RFX8: variants seen among roughly 807,000 people sequenced by gnomAD.
RFX8 encodes DNA-binding protein RFX8.
Under a neutral mutation model 54.6 loss-of-function variants are expected in RFX8, and 46 were observed. That is an observed-to-expected ratio of 0.84 (90% CI 0.67 to 1.08). The LOEUF (loss-of-function observed/expected upper bound fraction) is 1.08. RFX8 is among the 50% of genes least tolerant of loss of function. The pLI is 0.00. For missense variants in RFX8, 536 were observed against 562.3 expected, an observed-to-expected ratio of 0.95 and a Z score of 0.47; for synonymous variants, 192 against 209.5, an observed-to-expected ratio of 0.92 and a Z score of 0.72.
intron 2 of RFX8, among the ~76,000 whole-genome samples, chr2:101,429,242 C>A (rs1358038879): frequency 2.6e-5 from 4 of 152,288 alleles, no homozygotes; most frequent in Admixed American, 1.3e-4. Context: ...TTAAAGGTTT[C>A]TTTCCTTCAG....
intron 2 of RFX8, among the ~76,000 whole-genome samples, chr2:101,439,102 C>G (rs2148955264): frequency 6.6e-6 from 1 of 152,286 alleles, no homozygotes; most frequent in South Asian, 2.1e-4. Flanking sequence ...TGTGAGCCAC[C>G]ACGCCCGGCC....
At chr2:101,415,205 C>T (rs1287813458) in intron 6 of RFX8, among the ~76,000 whole-genome samples, 1 of 152,128 alleles carries the variant, frequency 6.6e-6, no homozygotes, top group Admixed American at 6.5e-5. Context: ...AACCTCACCC[C>T]CATTGTGATG....
chr2:101,414,162 C>A (rs959215225), intron 7 of RFX8, among the ~76,000 whole-genome samples: 3 of 152,240 alleles, frequency 2.0e-5, no homozygotes, highest in South Asian at 2.1e-4. Context: ...GCCCCACACA[C>A]GGGTGAAGGG....
At position 101,402,727 on chromosome 2, in the gene RFX8, CA is replaced by C. The variant is rs1254279365; in HGVS notation, c.953del (p.Leu318CysfsTer6). ...GTATATGAATCATATATTCCAAAAG[CA>C]ACAAGTGAAACAGATGCCAGGAGCC... is the stretch of plus-strand genomic sequence containing the variant. ...SFGSWHLFHL[L>X]LLEYMIHILQ... On this transcript the variant is annotated frameshift_variant, in exon 11 of 12. Coordinates refer to ENST00000428343, the MANE Select transcript of RFX8 (RefSeq NM_001145664.2). LOFTEE classifies it high-confidence loss of function. The C allele has an allele frequency of 1.3e-6, 2 of 1,548,394 alleles. No homozygotes were observed. The highest frequency in any genetic ancestry group is 2.7e-5 in the African/African-American group (2 of 72,982).
At chr2:101,400,117 T>C (rs981314045) in intron 11 of RFX8, among the ~76,000 whole-genome samples, 1 of 152,210 alleles carries the variant, frequency 6.6e-6, no homozygotes, top group Non-Finnish European at 1.5e-5. Context: ...TCCGGGAGAC[T>C]GTCAGCGTCT....
At chr2:101,409,522 G>A (rs749694102) in intron 9 of RFX8, among the ~76,000 whole-genome samples, 2 of 151,492 alleles carry the variant, frequency 1.3e-5, no homozygotes, top group South Asian at 2.1e-4. Flanking sequence ...CACCATGCCC[G>A]GCCAGACGGA....
chr2:101,410,753 A>G (rs1686078782), intron 8 of RFX8, 40 bp from the exon 9 acceptor site: 2 of 1,044,062 alleles, frequency 1.9e-6, no homozygotes, highest in African/African-American at 1.6e-5. Context: ...GATTGCATGC[A>G]GCAGAGCAGA....
At chr2:101,447,283 G>A (rs954439378) in intron 2 of RFX8, among the ~76,000 whole-genome samples, 3 of 148,312 alleles carry the variant, frequency 2.0e-5, no homozygotes, top group East Asian at 2.0e-4. Context: ...TTCTTAAACC[G>A]CAAGGCTGAA....
In RFX8 at chr2:101,435,791, G is replaced by A. The variant is rs1172104147; in HGVS notation, c.73-13319C>T. ...GTGCTGGACTTTGTGAGGTGGTCTT[G>A]TTCATATGGCACACATTGCACATTT... On this transcript the variant is annotated intron_variant, in intron 2 of 11. Coordinates refer to ENST00000428343, the MANE Select transcript of RFX8 (RefSeq NM_001145664.2). Among the ~76,000 whole-genome samples, 4 of 151,968 alleles carry A rather than the reference G, an allele frequency of 2.6e-5. No homozygotes were observed. The East Asian group carries it at 7.8e-4, about 29-fold the overall frequency.
At position 101,402,454 on chromosome 2, in the gene RFX8, G is replaced by A. The variant is rs560293444; in HGVS notation, c.1227C>T (p.Asp409=). 5.2e-6 allele frequency: 8 copies of A among 1,549,380 alleles called. No homozygotes were observed. Among genetic ancestry groups the A allele is most frequent in the East Asian group, 4.9e-5 (2 of 40,864 alleles). The change falls in exon 11 of 12, where the codon GAC becomes GAT. Residue 409 remains aspartate, a synonymous_variant. Transcript: ENST00000428343. ...TCCCTACCTTATTGCCCATGGCAGT[G>A]TCCACCAGGAAGCCCAGGATCCTGA... The part of the protein sequence containing the change: ...MVLRILGFLV[D]TAMGNKLIQV...
rs1031890864 is a variant in RFX8 at position 101,450,753 on chromosome 2, G to A, written c.72+16024C>T. On this transcript the variant is annotated intron_variant, in intron 2 of 11. Coordinates refer to ENST00000428343, the MANE Select transcript of RFX8 (RefSeq NM_001145664.2). Reference sequence around the variant, plus strand: ...GCTTTATGGAAGGCAGAGAATAGGCGAACTAATGAAGACTTGGAGTTCTTC... The same window carrying A: ...GCTTTATGGAAGGCAGAGAATAGGCAAACTAATGAAGACTTGGAGTTCTTC... The A allele has an allele frequency of 5.3e-5, 40 of 760,504 alleles. 1 individual carries two copies. The highest frequency in any genetic ancestry group is 7.0e-4 in the Middle Eastern group (2 of 2,858). The allele number at this position is 760,504 out of a possible 1,614,324, so 47.1% of individuals were successfully genotyped here.
Position 101,474,902 on chromosome 2 carries a change from G to T in RFX8, c.-319C>A, listed in dbSNP as rs1690231291. On this transcript the variant is annotated 5_prime_UTR_variant, in exon 1 of 12. Transcript: ENST00000428343. Reference sequence around the variant, plus strand: ...TCTCTAGGAGTTTTGAAAAATCTCGGAGCTCTCTGGCAGGCGGGCGCATCT... The same window carrying T: ...TCTCTAGGAGTTTTGAAAAATCTCGTAGCTCTCTGGCAGGCGGGCGCATCT... Among the ~76,000 whole-genome samples the T allele has an allele frequency of 6.6e-6, 1 of 152,098 alleles. No individual in the cohort carries two copies.
At chr2:101,425,414 T>C (rs1385436466) in intron 2 of RFX8, among the ~76,000 whole-genome samples, 1 of 152,204 alleles carries the variant, frequency 6.6e-6, no homozygotes, top group Non-Finnish European at 1.5e-5. Flanking sequence ...CTGAGCCTTC[T>C]GCATGCCCAT....
At chr2:101,453,353 GTTGGCC>G (rs1276473162) in intron 2 of RFX8, among the ~76,000 whole-genome samples, 1 of 151,272 alleles carries the variant, frequency 6.6e-6, no homozygotes, top group Non-Finnish European at 1.5e-5. Flanking sequence ...AAATCTCGAT[GTTGGCC>G]AGGCATGGTG....
intron 6 of RFX8, among the ~76,000 whole-genome samples, chr2:101,416,958 G>A (rs4850971): frequency 0.94 from 142,965 of 152,234 alleles, 67,452 homozygotes; most frequent in Non-Finnish European, 0.99. Context: ...GTGTGAGAAT[G>A]CCCTGGTGAA....
intron 3 of RFX8, 61 bp downstream of exon 3, chr2:101,422,301 A>G (rs1686910811): frequency 1.2e-6 from 1 of 829,782 alleles, no homozygotes; most frequent in African/African-American, 1.7e-5. Context: ...AAAGGAAGCT[A>G]TTTACTGCCC....
At chr2:101,407,426 TC>T (rs1440916456) in intron 9 of RFX8, among the ~76,000 whole-genome samples, 1 of 152,158 alleles carries the variant, frequency 6.6e-6, no homozygotes, top group Non-Finnish European at 1.5e-5. Flanking sequence ...GCACGGTGGC[TC>T]ACGCCTATAA....
intron 9 of RFX8, among the ~76,000 whole-genome samples, chr2:101,408,041 C>T (rs566776790): frequency 2.6e-5 from 4 of 152,330 alleles, no homozygotes; most frequent in African/African-American, 7.2e-5. Context: ...TTCAAAGGCA[C>T]GCAGTTACAA....
At chr2:101,442,254 T>C (rs1688140855) in intron 2 of RFX8, among the ~76,000 whole-genome samples, 2 of 152,232 alleles carry the variant, frequency 1.3e-5, no homozygotes, top group South Asian at 4.1e-4. Flanking sequence ...GATTTTTGTT[T>C]CATCAAACAT....
Sources: gnomAD v4.1 joint callset for allele counts (sites outside exome capture counted in the v4.1 genomes callset) on GRCh38, gnomAD v4.1.1 for gene constraint, MANE v1.5 for transcripts, NCBI Gene and HGNC (gene_info 2026-07-23, HGNC 2026-07-21) for gene names.